ZNF433: variants seen among roughly 807,000 people sequenced by gnomAD.
The protein encoded by ZNF433 is zinc finger protein 433.
Under a neutral mutation model 10.6 loss-of-function variants are expected in ZNF433, and 12 were observed. The observed-to-expected ratio is 1.13, with a 90% CI of 0.72 to 1.83. The LOEUF (loss-of-function observed/expected upper bound fraction) is 1.83, where lower values mean the gene tolerates loss of function less well. Ranked by LOEUF, ZNF433 falls within the 40% of genes most tolerant of loss-of-function variation. ZNF433 has a pLI of 0.00. For synonymous variants in ZNF433, 272 were observed against 271.3 expected, an observed-to-expected ratio of 1.00 and a Z score of -0.02; for missense variants, 737 against 798.0, an observed-to-expected ratio of 0.92 and a Z score of 0.92.
chr19:12,015,107 T>C lies in ZNF433; in HGVS notation c.1751A>G (p.Glu584Gly). The change falls in exon 4 of 4, where the codon GAG becomes GGG. Residue 584 changes from glutamate (E) to glycine (G), a missense_variant. Coordinates refer to ENST00000550507, the MANE Select transcript of ZNF433 (RefSeq NM_001308348.2). ...ACACTGCTTACATTCATAGGGTTTC[T>C]CTCCAGTGTGAGTCCTTCCATGCAT... ...LQMHGRTHTG[E>G]KPYECKQCGK... 6.2e-7 allele frequency: 1 copy of C among 1,614,092 alleles called. No individual in the cohort carries two copies. Among genetic ancestry groups the C allele is most frequent in the East Asian group, 2.2e-5 (1 of 44,876 alleles).
intron 2 of ZNF433, 91 bp downstream of exon 2, chr19:12,018,075 A>T (rs1383165084): frequency 2.1e-6 from 3 of 1,427,462 alleles, no homozygotes; most frequent in African/African-American, 1.4e-5. Flanking sequence ...AAATCACTCA[A>T]CAGCATACAT....
chr19:12,018,011 G>T, intron 2 of ZNF433, 75 bp from the exon 3 acceptor site: 2 of 1,299,774 alleles, frequency 1.5e-6, no homozygotes, highest in South Asian at 1.4e-5. Context: ...CTATGTTCAT[G>T]GTACACTGCA....
intron 1 of ZNF433, chr19:12,030,199 C>T (rs1183121876): frequency 2.3e-6 from 1 of 442,650 alleles, no homozygotes; most frequent in South Asian, 1.6e-5. Context: ...GCTTCCAGAA[C>T]TGTCAGAAAG....
intron 1 of ZNF433, among the ~76,000 whole-genome samples, chr19:12,032,613 AGTT>A (rs1884176640): frequency 6.6e-6 from 1 of 151,480 alleles, no homozygotes; most frequent in Admixed American, 6.6e-5. Flanking sequence ...TCTCCCTAGT[AGTT>A]GGGATTATAG....
At chr19:12,019,096 C>T (rs2145419835) in intron 1 of ZNF433, among the ~76,000 whole-genome samples, 1 of 144,028 alleles carries the variant, frequency 6.9e-6, no homozygotes, top group African/African-American at 2.6e-5. Flanking sequence ...CACCTAGTCT[C>T]AACAAAAAGG....
intron 1 of ZNF433, chr19:12,034,745 C>T (rs1055422309): frequency 1.3e-5 from 6 of 451,304 alleles, no homozygotes; most frequent in South Asian, 3.1e-5. Context: ...TCTCCACCAA[C>T]GGCCACCTTC....
rs1599346867 is a variant in ZNF433, at chr19:12,015,364, AGT to A, written c.1492_1493del (p.Thr498TrpfsTer6). The A allele has an allele frequency of 1.2e-6, 2 of 1,614,210 alleles. No individual in the cohort carries two copies. Among genetic ancestry groups the A allele is most frequent in the African/African-American group, 1.3e-5 (1 of 75,058 alleles). On this transcript the variant is annotated frameshift_variant, in exon 4 of 4. Coordinates refer to ENST00000550507, the MANE Select transcript of ZNF433 (RefSeq NM_001308348.2). LOFTEE classifies it low-confidence loss of function (END_TRUNC). ...SLFHRHERTH[T>X]GGKTYECKQC... ...GCTTGCATTCATAGGTTTTTCCTCCAGTGTGAGTCCTTTCATGTCTATGAAAT... is the reference window on the plus strand; with the variant it reads ...GCTTGCATTCATAGGTTTTTCCTCCAGTGAGTCCTTTCATGTCTATGAAAT...
In ZNF433 at chr19:12,015,002, T is replaced by G; in HGVS notation, c.1856A>C (p.Gln619Pro). The G allele has an allele frequency of 6.2e-7, 1 of 1,613,936 alleles. No homozygotes were observed. The highest frequency in any genetic ancestry group is 8.5e-7 in the Non-Finnish European group (1 of 1,179,936). Residue 619 changes from glutamine (Q) to proline (P), a missense_variant, in exon 4 of 4, where the codon CAA becomes CCA. By Grantham distance (76) the Gln-to-Pro change is moderately conservative. Transcript: ENST00000550507. ...HTGEKPYKCKQCGKAFGCPSN... is the reference protein window; with the variant it reads ...HTGEKPYKCKPCGKAFGCPSN... ...GGGACATCCAAAAGCTTTCCCACAT[T>G]GCTTACATTTATACGGTTTCTCTCC...
chr19:12,015,860 T>G lies in ZNF433; in HGVS notation c.998A>C (p.Lys333Thr). Reference protein sequence around the residue: ...RRHERTHSRKKPYECKHCGKV... With the variant: ...RRHERTHSRKTPYECKHCGKV... ...CCCACAATGTTTACATTCATAGGGT[T>G]TTTTCCTAGAGTGGGTTCTTTCATG... is the stretch of plus-strand genomic sequence containing the variant. Residue 333 changes from lysine to threonine, a missense_variant, in exon 4 of 4, where the codon AAA (lysine) becomes ACA (threonine). By Grantham distance (78) the Lys-to-Thr change is moderately conservative. Transcript: ENST00000550507. 1 of 1,613,824 alleles carries G rather than the reference T, an allele frequency of 6.2e-7. No homozygotes were observed. The highest frequency in any genetic ancestry group is 8.5e-7 in the Non-Finnish European group (1 of 1,179,952).
In ZNF433 at chr19:12,015,617, G is replaced by C. The variant is rs770302818; in HGVS notation, c.1241C>G (p.Thr414Ser). ...SSFRYHERTH[T>S]GEKPYECKQC... Reference sequence around the variant, plus strand: ...CTTACACTCGTAAGGTTTCTCTCCAGTGTGAGTTCTTTCATGATATCGGAA... The same window carrying C: ...CTTACACTCGTAAGGTTTCTCTCCACTGTGAGTTCTTTCATGATATCGGAA... The change falls in exon 4 of 4, where the codon ACT (threonine) becomes AGT (serine). Residue 414 changes from threonine to serine, a missense_variant. Transcript: ENST00000550507. 56 of 1,614,014 alleles carry C rather than the reference G, an allele frequency of 3.5e-5. 1 individual carries two copies. The highest frequency in any genetic ancestry group is 3.3e-4 in the Middle Eastern group (2 of 6,058).
intron 3 of ZNF433, 66 bp downstream of exon 3, chr19:12,017,810 T>C: frequency 3.0e-6 from 3 of 1,005,940 alleles, no homozygotes; most frequent in Non-Finnish European, 4.5e-6. Context: ...TTTTTTTTTT[T>C]TAACATTTTC....
intron 1 of ZNF433, among the ~76,000 whole-genome samples, chr19:12,031,316 C>CAAAAAA (rs1175208367): frequency 9.8e-6 from 1 of 102,458 alleles, no homozygotes; most frequent in Non-Finnish European, 1.9e-5. Context: ...AAAAACAAAA[C>CAAAAAA]AAAAAAAAAA....
chr19:12,033,359 A>C (rs1361042869), intron 1 of ZNF433, among the ~76,000 whole-genome samples: 1 of 152,004 alleles, frequency 6.6e-6, no homozygotes, highest in Non-Finnish European at 1.5e-5. Flanking sequence ...AACCTCCCAA[A>C]GTGTTGGGAT....
intron 1 of ZNF433, chr19:12,026,775 C>T: frequency 2.2e-6 from 1 of 454,140 alleles, no homozygotes; most frequent in Non-Finnish European, 4.4e-6. Context: ...ATTGATTGTT[C>T]CCCTAAGGGG....
chr19:12,020,843 G>C (rs1974453205), intron 1 of ZNF433, among the ~76,000 whole-genome samples: 1 of 151,226 alleles, frequency 6.6e-6, no homozygotes, highest in African/African-American at 2.4e-5. Flanking sequence ...GGCGGAGGTT[G>C]CTGTGAGCCG....
In ZNF433 at chr19:12,016,402, GGA is replaced by G. The variant is rs747071444; in HGVS notation, c.454_455del (p.Ser152LeufsTer6). On this transcript the variant is annotated frameshift_variant, in exon 4 of 4. Coordinates refer to ENST00000550507, the MANE Select transcript of ZNF433 (RefSeq NM_001308348.2). LOFTEE classifies it low-confidence loss of function (END_TRUNC). The part of the protein sequence containing the change: ...KYCKKPFNCL[S>X]SVQTHERAHS... ...GAGCCCTTTCATGTGTCTGAACAGA[GGA>G]GAGACAGTTGAAAGGTTTTTTACAG... is the stretch of plus-strand genomic sequence containing the variant. 3 of 1,614,096 alleles carry G rather than the reference GGA, an allele frequency of 1.9e-6. No individual in the cohort carries two copies. Among genetic ancestry groups the G allele is most frequent in the Admixed American group, 3.3e-5 (2 of 60,024 alleles).
At chr19:12,028,360 T>C (rs1350156376) in intron 1 of ZNF433, among the ~76,000 whole-genome samples, 1 of 152,192 alleles carries the variant, frequency 6.6e-6, no homozygotes, top group East Asian at 1.9e-4. Flanking sequence ...TGATATAAAA[T>C]ATCACATATC....
rs761230555 is a variant in ZNF433 at position 12,018,348 on chromosome 19, C to G, written c.4-56G>C. 99 of 1,557,064 alleles carry G rather than the reference C, an allele frequency of 6.4e-5. No homozygotes were observed. In the South Asian group the frequency reaches 1.2e-3, roughly 18 times the overall value. On this transcript the variant is annotated intron_variant, in intron 1 of 3. Coordinates refer to ENST00000550507, the MANE Select transcript of ZNF433 (RefSeq NM_001308348.2). ...GGATAAGACTAACATCACTGGGAAG[C>G]CTATACTCTATTCCCAAGAGGTTTC...
chr19:12,029,990 G>A lies in ZNF433; in HGVS notation c.3+5547C>T, dbSNP rs530877103. 2.0e-4 allele frequency: 43 copies of A among 211,290 alleles called. 1 individual carries two copies. In the East Asian group the frequency reaches 5.6e-3, roughly 28 times the overall value. 13.1% of individuals were successfully genotyped at this position (211,290 alleles called of 1,614,324 possible). A position where few individuals can be genotyped will look rare whatever the true frequency, so the allele number is the denominator to read the frequency against. ...CCAGCTACTCGGAAGGCTGAGGCAG[G>A]AGAATTGCTTGAATCCCAGAGGCAG... On this transcript the variant is annotated intron_variant, in intron 1 of 3. Transcript: ENST00000550507.
Sources: allele counts gnomAD v4.1 joint callset (sites outside exome capture counted in the v4.1 genomes callset), GRCh38; gene constraint gnomAD v4.1.1; transcripts MANE v1.5; gene names NCBI Gene and HGNC (gene_info 2026-07-23, HGNC 2026-07-21).